The following MMUT variants were observed in gnomAD, a reference collection of about 807,000 sequenced individuals.
MMUT encodes methylmalonyl-CoA mutase.
A neutral mutation model predicts 79.9 loss-of-function variants in MMUT; 79 were observed. The observed-to-expected ratio is 0.99, with a 90% CI of 0.82 to 1.19. The LOEUF is 1.19. Ranked by LOEUF, MMUT falls within the 50% of genes most tolerant of loss-of-function variation. MMUT has a pLI of 0.00. For missense variants in MMUT, 860 were observed against 917.2 expected, an observed-to-expected ratio of 0.94 and a Z score of 0.81; for synonymous variants, 273 against 295.7, an observed-to-expected ratio of 0.92 and a Z score of 0.79.
In MMUT at chr6:49,431,873, T is replaced by C. The variant is rs750168826; in HGVS notation, c.2125-17A>G. On this transcript the variant is annotated splice_polypyrimidine_tract_variant and intron_variant, in intron 12 of 12. Coordinates refer to ENST00000274813, the MANE Select transcript of MMUT (RefSeq NM_000255.4). ...TTCATAATCCTGTTGAAAGAATGTG[T>C]TTAATTAATAAGAGCCACTATTTCC... is the stretch of plus-strand genomic sequence containing the variant. 6 of 1,611,396 alleles carry C rather than the reference T, an allele frequency of 3.7e-6. No individual in the cohort carries two copies. The East Asian group carries it at 1.1e-4, about 30-fold the overall frequency.
chr6:49,435,574 A>T lies in MMUT; in HGVS notation c.2006T>A (p.Val669Glu), dbSNP rs1360470463. 6.2e-7 allele frequency: 1 copy of T among 1,613,968 alleles called. No homozygotes were observed. Among genetic ancestry groups the T allele is most frequent in the East Asian group, 2.2e-5 (1 of 44,898 alleles). Reference protein sequence around the residue: ...QQAVDADVHAVGISTLAAGHK... With the variant: ...QQAVDADVHAEGISTLAAGHK... ...ACCAGCAGCGAGGGTGCTTATGCCC[A>T]CAGCATGCACATCCGCATCCACAGC... The change falls in exon 12 of 13, where the codon GTG becomes GAG. Residue 669 changes from valine to glutamate, a missense_variant. By Grantham distance (121) the Val-to-Glu change is moderately radical. Transcript: ENST00000274813.
chr6:49,459,569 A>G, intron 1 of MMUT, 64 bp from the exon 2 acceptor site: 1 of 1,259,202 alleles, frequency 7.9e-7, no homozygotes, highest in Non-Finnish European at 1.1e-6. Context: ...AGCTACTCAT[A>G]AGAAAGGAAC....
Position 49,431,092 on chromosome 6 carries a change from A to T in MMUT, c.*636T>A, listed in dbSNP as rs1262925761. On this transcript the variant is annotated 3_prime_UTR_variant, in exon 13 of 13. Coordinates refer to ENST00000274813, the MANE Select transcript of MMUT (RefSeq NM_000255.4). ...TCCTTGGTCTTGAGCCAAGCCCAGA[A>T]ATAACAAGGTCAGATGGTCATGATC... is the stretch of plus-strand genomic sequence containing the variant. 1 of 152,244 alleles carries T rather than the reference A, an allele frequency of 6.6e-6. No homozygotes were observed. Among genetic ancestry groups the T allele is most frequent in the Non-Finnish European group, 1.5e-5 (1 of 68,074 alleles). 9.4% of individuals were successfully genotyped at this position (152,244 alleles called of 1,614,324 possible).
At chr6:49,461,265 T>C (rs1767833370) in intron 1 of MMUT, among the ~76,000 whole-genome samples, 1 of 152,160 alleles carries the variant, frequency 6.6e-6, no homozygotes. Context: ...TATATTCTGT[T>C]TGTGGAAATT....
intron 6 of MMUT, among the ~76,000 whole-genome samples, 199 bp downstream of exon 6, chr6:49,451,267 T>C (rs1310981721): frequency 6.6e-6 from 1 of 152,194 alleles, no homozygotes. Flanking sequence ...GAAATGTATT[T>C]TTAAATGGAT....
chr6:49,439,403 C>T (rs1274525077), intron 11 of MMUT, among the ~76,000 whole-genome samples: 1 of 152,118 alleles, frequency 6.6e-6, no homozygotes, highest in Non-Finnish European at 1.5e-5. Flanking sequence ...CCAAAGGCTC[C>T]AAACATCATT....
intron 5 of MMUT, among the ~76,000 whole-genome samples, chr6:49,451,936 G>A (rs1767564852): frequency 6.6e-6 from 1 of 152,152 alleles, no homozygotes; most frequent in Non-Finnish European, 1.5e-5. Context: ...TGAAATATCA[G>A]ATATTGTTGT....
intron 6 of MMUT, 119 bp downstream of exon 6, chr6:49,451,347 G>T: frequency 1.7e-6 from 2 of 1,153,358 alleles, no homozygotes; most frequent in Non-Finnish European, 1.2e-6. Flanking sequence ...ATATAAATCT[G>T]TAAGTGATTT....
At chr6:49,452,535 A>G (rs62411930) in intron 5 of MMUT, among the ~76,000 whole-genome samples, 56,391 of 151,818 alleles carry the variant, frequency 0.37, 10,671 homozygotes, top group African/African-American at 0.42. Flanking sequence ...GGGTTTCACC[A>G]TGTTAGCCAG....
chr6:49,448,999 G>A (rs578001321), intron 6 of MMUT, 72 bp from the exon 7 acceptor site: 165 of 921,426 alleles, frequency 1.8e-4, no homozygotes, highest in Non-Finnish European at 2.6e-4. Flanking sequence ...AATTTGTTAT[G>A]AGTGTTATAT....
At chr6:49,443,310 C>T (rs1311900230) in intron 9 of MMUT, among the ~76,000 whole-genome samples, 1 of 152,138 alleles carries the variant, frequency 6.6e-6, no homozygotes, top group Non-Finnish European at 1.5e-5. Context: ...GGAGGACATG[C>T]TTATTACCCA....
chr6:49,431,612 C>T lies in MMUT; in HGVS notation c.*116G>A. The T allele has an allele frequency of 8.8e-7, 1 of 1,129,990 alleles. No individual in the cohort carries two copies. The allele number at this position is 1,129,990 out of a possible 1,614,324, so 70.0% of individuals were successfully genotyped here. ...ATAAGTAAGGTATTTTAAAGTAAAG[C>T]TTTCAAGGAAAGTACAAATCAGGTA... On this transcript the variant is annotated 3_prime_UTR_variant, in exon 13 of 13. Coordinates refer to ENST00000274813, the MANE Select transcript of MMUT (RefSeq NM_000255.4).
At chr6:49,435,419 C>T (rs974278931) in intron 12 of MMUT, 37 bp downstream of exon 12, 1 of 1,566,874 alleles carries the variant, frequency 6.4e-7, no homozygotes, top group Non-Finnish European at 8.8e-7. Flanking sequence ...ACTCAAGATT[C>T]CCATCACAGT....
intron 5 of MMUT, among the ~76,000 whole-genome samples, chr6:49,453,357 G>A (rs1398669930): frequency 1.3e-5 from 2 of 151,816 alleles, no homozygotes; most frequent in African/African-American, 4.8e-5. Flanking sequence ...AAGCTAGGAT[G>A]TAAGTGATTT....
At chr6:49,445,807 A>G (rs1037183977) in intron 8 of MMUT, among the ~76,000 whole-genome samples, 56 of 152,048 alleles carry the variant, frequency 3.7e-4, no homozygotes, top group Non-Finnish European at 4.7e-4. Flanking sequence ...ACAGATATGG[A>G]GGTCCAACTA....
At chr6:49,455,369 A>G (rs1767660622) in intron 4 of MMUT, among the ~76,000 whole-genome samples, 1 of 152,224 alleles carries the variant, frequency 6.6e-6, no homozygotes, top group Non-Finnish European at 1.5e-5. Flanking sequence ...ATACCCCAGA[A>G]AGAGTCTTAG....
At chr6:49,443,463 G>A (rs921673771) in intron 9 of MMUT, among the ~76,000 whole-genome samples, 4 of 152,004 alleles carry the variant, frequency 2.6e-5, no homozygotes, top group African/African-American at 9.7e-5. Flanking sequence ...AAAACCTGCT[G>A]ATGTTATGGC....
intron 5 of MMUT, among the ~76,000 whole-genome samples, chr6:49,453,040 T>TG (rs1767593898): frequency 4.8e-5 from 2 of 41,282 alleles, no homozygotes; most frequent in East Asian, 2.8e-3. Flanking sequence ...TCTTTCTTTG[T>TG]TTTTTTTTTT....
Position 49,435,454 on chromosome 6 carries a change from A to G in MMUT, c.2124+2T>C. ...TACTAGAAAAATAGAGATAAAAAAT[A>G]CCTGAGGTGGTATCACCCCTCCACA... is the stretch of plus-strand genomic sequence containing the variant. On this transcript the variant is annotated splice_donor_variant, in intron 12 of 12. Coordinates refer to ENST00000274813, the MANE Select transcript of MMUT (RefSeq NM_000255.4). LOFTEE classifies it high-confidence loss of function. 1 of 1,612,754 alleles carries G rather than the reference A, an allele frequency of 6.2e-7. No individual in the cohort carries two copies. Among genetic ancestry groups the G allele is most frequent in the Non-Finnish European group, 8.5e-7 (1 of 1,178,766 alleles).
Sources: allele counts gnomAD v4.1 joint callset (sites outside exome capture counted in the v4.1 genomes callset), GRCh38; gene constraint gnomAD v4.1.1; transcripts MANE v1.5; gene names NCBI Gene and HGNC (gene_info 2026-07-23, HGNC 2026-07-21).